Variants in PTGR1 observed in about 807,000 individuals in gnomAD.
The protein encoded by PTGR1 is prostaglandin reductase 1, also known as 15-oxoprostaglandin 13-reductase.
PTGR1 carries 23 observed loss-of-function variants against 37.7 expected under a neutral mutation model. The observed-to-expected ratio is 0.61, with a 90% CI of 0.44 to 0.86. PTGR1 has a LOEUF of 0.86. Among genes scored for constraint, PTGR1 ranks in the 40% least tolerant of loss-of-function variants. The probability of loss-of-function intolerance (pLI) is 0.00; values close to 1 mark genes in which losing one functional copy is unlikely to be tolerated. For missense variants in PTGR1, 351 were observed against 394.3 expected, an observed-to-expected ratio of 0.89 and a Z score of 0.93; for synonymous variants, 134 against 140.0, an observed-to-expected ratio of 0.96 and a Z score of 0.30.
Position 111,575,676 on chromosome 9 carries a change from G to A in PTGR1, c.652-834C>T, listed in dbSNP as rs185996312. The stretch of plus-strand genomic sequence containing the variant: ...AAATAGTCCTTTCAATAAACGTGCC[G>A]AACAACTGGATTTCCACATGGAAAA... On this transcript the variant is annotated intron_variant, in intron 7 of 9. Coordinates refer to ENST00000407693, the MANE Select transcript of PTGR1 (RefSeq NM_001146108.2). 2.1e-3 allele frequency among the ~76,000 whole-genome samples: 315 copies of A among 152,274 alleles called. 1 individual carries two copies. The highest frequency in any genetic ancestry group is 3.7e-3 in the Non-Finnish European group (252 of 68,018).
chr9:111,565,489 A>G (rs1012502857), intron 9 of PTGR1, among the ~76,000 whole-genome samples: 2 of 152,206 alleles, frequency 1.3e-5, no homozygotes, highest in South Asian at 2.1e-4. Context: ...TCTCTGTACT[A>G]TCTTCCCAAT....
At chr9:111,566,703 C>T (rs530975332) in intron 9 of PTGR1, among the ~76,000 whole-genome samples, 13 of 152,098 alleles carry the variant, frequency 8.5e-5, no homozygotes, top group Admixed American at 2.0e-4. Flanking sequence ...TTATTCAGTG[C>T]CTACATTGCT....
intron 9 of PTGR1, among the ~76,000 whole-genome samples, chr9:111,551,400 G>GT (rs58638722): frequency 0.012 from 858 of 74,430 alleles, 38 homozygotes; most frequent in Middle Eastern, 0.016. Flanking sequence ...TCCAGTTTTT[G>GT]TTTTTTTTTT....
chr9:111,571,164 C>T (rs1380884647), intron 8 of PTGR1, among the ~76,000 whole-genome samples: 1 of 149,816 alleles, frequency 6.7e-6, no homozygotes, highest in Non-Finnish European at 1.5e-5. Flanking sequence ...TATAATCCAG[C>T]ATTTTGGGAG....
At position 111,586,154 on chromosome 9, in the gene PTGR1, C is replaced by T. The variant is rs755155674; in HGVS notation, c.221G>A (p.Ser74Asn). 2 of 1,614,014 alleles carry T rather than the reference C, an allele frequency of 1.2e-6. No homozygotes were observed. The highest frequency in any genetic ancestry group is 2.2e-5 in the South Asian group (2 of 91,046). Residue 74 changes from serine (S) to asparagine (N), a missense_variant, in exon 5 of 10, where the codon AGT becomes AAT. By Grantham distance (46) the Ser-to-Asn change is conservative. Coordinates refer to ENST00000407693, the MANE Select transcript of PTGR1 (RefSeq NM_001146108.2). ...MGQQVAKVVE[S>N]KNVALPKGTI... is the part of the protein sequence containing the mutation. Reference sequence around the variant, plus strand: ...TCCTTTTGGTAGGGCTACATTTTTACTTTCCACAACTCTGAAAGATAAAGC... The same window carrying T: ...TCCTTTTGGTAGGGCTACATTTTTATTTTCCACAACTCTGAAAGATAAAGC...
At chr9:111,566,207 AT>A (rs1445951488) in intron 9 of PTGR1, among the ~76,000 whole-genome samples, 8 of 150,700 alleles carry the variant, frequency 5.3e-5, no homozygotes, top group Admixed American at 5.3e-4. Context: ...CATGTCAAAA[AT>A]AAATAAATAA....
intron 5 of PTGR1, 132 bp from the exon 6 acceptor site, chr9:111,583,721 A>T: frequency 1.5e-6 from 1 of 686,182 alleles, no homozygotes; most frequent in Non-Finnish European, 2.5e-6. Flanking sequence ...TATGGAAATA[A>T]ATATTGCCAG....
rs928365134 is a variant in PTGR1 at position 111,563,220 on chromosome 9, C to T, written c.891G>A (p.Gln297=). The change falls in exon 10 of 10, where the codon CAG becomes CAA. Residue 297 remains glutamine, a synonymous_variant. Coordinates refer to ENST00000407693, the MANE Select transcript of PTGR1 (RefSeq NM_001146108.2). ...ATCCTTCAATGATATATTCCTTGTA[C>T]TGGATTTTACCCTGTATCAAAGCAA... is the stretch of plus-strand genomic sequence containing the variant. ...LLKWVLEGKI[Q]YKEYIIEGFE... 1 of 1,612,926 alleles carries T rather than the reference C, an allele frequency of 6.2e-7. No homozygotes were observed. Among genetic ancestry groups the T allele is most frequent in the African/African-American group, 1.3e-5 (1 of 74,910 alleles).
intron 9 of PTGR1, among the ~76,000 whole-genome samples, chr9:111,551,413 T>G (rs199790215): frequency 2.6e-4 from 36 of 140,554 alleles, no homozygotes; most frequent in East Asian, 1.3e-3. Context: ...TTTTTTTTTT[T>G]TTTTTTTTTT....
At chr9:111,551,588 G>T (rs984089707) in intron 9 of PTGR1, among the ~76,000 whole-genome samples, 2 of 151,660 alleles carry the variant, frequency 1.3e-5, no homozygotes, top group African/African-American at 4.8e-5. Flanking sequence ...TTTTAGTAGA[G>T]GCGGGGTTTC....
intron 8 of PTGR1, among the ~76,000 whole-genome samples, chr9:111,574,004 A>G (rs1828947549): frequency 6.6e-6 from 1 of 152,166 alleles, no homozygotes; most frequent in African/African-American, 2.4e-5. Flanking sequence ...AAGACGCCCT[A>G]CTGCTCCAAG....
At chr9:111,551,583 G>A (rs1232486363) in intron 9 of PTGR1, among the ~76,000 whole-genome samples, 1 of 151,588 alleles carries the variant, frequency 6.6e-6, no homozygotes, top group Admixed American at 6.6e-5. Flanking sequence ...AATTATTTTA[G>A]TAGAGGCGGG....
chr9:111,563,500 T>C, intron 9 of PTGR1: 1 of 270,614 alleles, frequency 3.7e-6, no homozygotes, highest in Non-Finnish European at 6.9e-6. Context: ...AAGCAATCTC[T>C]TTTTCTTTCT....
In PTGR1 at chr9:111,565,675, C is replaced by G. The variant is rs979161005; in HGVS notation, c.880-2444G>C. ...AGTAGCTGGGACTACAGGTGTGCAC[C>G]ACTGCACCCAGCTAATTTTTTAACT... On this transcript the variant is annotated intron_variant, in intron 9 of 9. Coordinates refer to ENST00000407693, the MANE Select transcript of PTGR1 (RefSeq NM_001146108.2). Among the ~76,000 whole-genome samples the G allele has an allele frequency of 2.0e-5, 3 of 152,028 alleles. No individual in the cohort carries two copies. In the East Asian group the frequency reaches 5.8e-4, roughly 29 times the overall value.
chr9:111,570,261 G>A (rs965581152), intron 8 of PTGR1, 52 bp from the exon 9 acceptor site: 4 of 1,579,378 alleles, frequency 2.5e-6, no homozygotes, highest in Non-Finnish European at 3.4e-6. Flanking sequence ...GGTGCCCATG[G>A]TGAAACAAGC....
intron 4 of PTGR1, among the ~76,000 whole-genome samples, chr9:111,589,605 T>C (rs1330001454): frequency 3.3e-5 from 5 of 151,784 alleles, no homozygotes; most frequent in Admixed American, 2.6e-4. Context: ...ATTTTTGTCA[T>C]AAAAAATTAA....
At chr9:111,595,006 CACT>C (rs1472540105) in intron 2 of PTGR1, among the ~76,000 whole-genome samples, 1 of 151,822 alleles carries the variant, frequency 6.6e-6, no homozygotes, top group Non-Finnish European at 1.5e-5. Flanking sequence ...AGGCGCCCAC[CACT>C]GCACCCAGCT....
At position 111,562,709 on chromosome 9, in the gene PTGR1, C is replaced by A. The variant is rs550720622; in HGVS notation, c.*412G>T. On this transcript the variant is annotated 3_prime_UTR_variant, in exon 10 of 10. Coordinates refer to ENST00000407693, the MANE Select transcript of PTGR1 (RefSeq NM_001146108.2). ...GTCAACCCATCACCTAGGTATTAGC[C>A]CCCGAAGGCATTAGCTATTTATCCT... The A allele has an allele frequency of 6.1e-6, 1 of 163,378 alleles. No homozygotes were observed. Among genetic ancestry groups the A allele is most frequent in the South Asian group, 1.8e-4 (1 of 5,534 alleles). The allele number at this position is 163,378 out of a possible 1,614,324, so 10.1% of individuals were successfully genotyped here.
At chr9:111,597,786 A>C (rs1001164553) in intron 1 of PTGR1, among the ~76,000 whole-genome samples, 1 of 152,220 alleles carries the variant, frequency 6.6e-6, no homozygotes, top group Non-Finnish European at 1.5e-5. Flanking sequence ...TCTCTACGGC[A>C]CTGAACAGTT....
Sources: allele counts gnomAD v4.1 joint callset (sites outside exome capture counted in the v4.1 genomes callset), GRCh38; gene constraint gnomAD v4.1.1; transcripts MANE v1.5; gene names NCBI Gene and HGNC (gene_info 2026-07-23, HGNC 2026-07-21).